SOX5: variants seen among roughly 807,000 people sequenced by gnomAD.
SOX5 encodes transcription factor SOX-5.
Under a neutral mutation model 92.0 loss-of-function variants are expected in SOX5, and 9 were observed. The ratio of observed to expected loss-of-function variants is 0.10; its 90% CI spans 0.06 to 0.17. The LOEUF (loss-of-function observed/expected upper bound fraction) is 0.17. Ranked by LOEUF, SOX5 falls within the 10% of genes least tolerant of loss-of-function variation. The pLI is 1.00. For synonymous variants in SOX5, 344 were observed against 336.3 expected (o/e 1.02, Z -0.25); for missense variants, 642 against 944.5 (o/e 0.68, Z 4.20).
intron 3 of SOX5, among the ~76,000 whole-genome samples, chr12:23,778,810 G>C (rs2095189971): frequency 6.6e-6 from 1 of 152,148 alleles, no homozygotes; most frequent in Admixed American, 6.5e-5. Context: ...TAAGAGAGTG[G>C]TGAGACTCAA....
At chr12:24,530,097 A>T (rs61666632) in intron 1 of SOX5, among the ~76,000 whole-genome samples, 173 of 152,298 alleles carry the variant, frequency 1.1e-3, no homozygotes, top group African/African-American at 3.9e-3. Context: ...AGTGATCATA[A>T]ACCCATCAAC....
intron 9 of SOX5, among the ~76,000 whole-genome samples, chr12:23,597,429 G>GT (rs1180625826): frequency 6.6e-6 from 1 of 152,174 alleles, no homozygotes; most frequent in Non-Finnish European, 1.5e-5. Context: ...AAAAGCCTCT[G>GT]TTTAAGTACC....
At chr12:23,660,221 C>G (rs80275220) in intron 7 of SOX5, among the ~76,000 whole-genome samples, 24 of 152,174 alleles carry the variant, frequency 1.6e-4, no homozygotes, top group Non-Finnish European at 3.2e-4. Context: ...AAAACAAGAT[C>G]TGTATTTTGC....
intron 1 of SOX5, among the ~76,000 whole-genome samples, chr12:24,381,191 T>G (rs1957789008): frequency 6.6e-6 from 1 of 152,202 alleles, no homozygotes; most frequent in African/African-American, 2.4e-5. Context: ...CTTTACTCAT[T>G]GACCAACGAA....
chr12:24,526,966 G>A (rs1950766840), intron 1 of SOX5, among the ~76,000 whole-genome samples: 1 of 151,900 alleles, frequency 6.6e-6, no homozygotes, highest in Non-Finnish European at 1.5e-5. Context: ...CTACAGAGGT[G>A]CACCACCACA....
intron 2 of SOX5, among the ~76,000 whole-genome samples, chr12:24,340,088 G>A (rs1952406364): frequency 6.6e-6 from 1 of 152,214 alleles, no homozygotes; most frequent in African/African-American, 2.4e-5. Context: ...AGTCCTGTTA[G>A]CCTCCTCTCT....
At chr12:23,596,810 C>T (rs900878643) in intron 9 of SOX5, among the ~76,000 whole-genome samples, 2 of 152,040 alleles carry the variant, frequency 1.3e-5, no homozygotes, top group Admixed American at 1.3e-4. Flanking sequence ...TATCAGATAA[C>T]AATAGCTAGA....
chr12:24,447,179 G>C (rs998821776), intron 1 of SOX5, among the ~76,000 whole-genome samples: 1 of 152,166 alleles, frequency 6.6e-6, no homozygotes, highest in Non-Finnish European at 1.5e-5. Context: ...AAACAGTATG[G>C]AAAGGGAGAA....
At chr12:24,200,135 T>C (rs1226753171) in intron 4 of SOX5, among the ~76,000 whole-genome samples, 5 of 152,208 alleles carry the variant, frequency 3.3e-5, no homozygotes, top group Non-Finnish European at 5.9e-5. Flanking sequence ...ATCTCATATG[T>C]GTCATAAGGC....
At chr12:24,333,859 A>T (rs868844895) in intron 2 of SOX5, among the ~76,000 whole-genome samples, 1 of 151,558 alleles carries the variant, frequency 6.6e-6, no homozygotes, top group South Asian at 2.1e-4. Context: ...GTTAAAAAAA[A>T]AAAAAAAAAG....
chr12:23,803,127 C>T (rs1385716304), intron 3 of SOX5, among the ~76,000 whole-genome samples: 1 of 152,184 alleles, frequency 6.6e-6, no homozygotes, highest in Non-Finnish European at 1.5e-5. Flanking sequence ...ACAATCTCTC[C>T]CACTAAAGCA....
intron 6 of SOX5, among the ~76,000 whole-genome samples, chr12:23,718,180 T>C (rs35335546): frequency 0.33 from 50,443 of 152,048 alleles, 9,290 homozygotes; most frequent in East Asian, 0.52. Context: ...CAAAGTTTAG[T>C]ATATTAGCAC....
chr12:23,656,532 G>A (rs1200213870), intron 7 of SOX5, among the ~76,000 whole-genome samples: 1 of 151,898 alleles, frequency 6.6e-6, no homozygotes, highest in Non-Finnish European at 1.5e-5. Context: ...AATAAAATAC[G>A]ATGTATCCAT....
intron 4 of SOX5, among the ~76,000 whole-genome samples, chr12:23,994,246 G>A (rs1344248969): frequency 6.6e-6 from 1 of 152,036 alleles, no homozygotes; most frequent in Non-Finnish European, 1.5e-5. Flanking sequence ...AAGTATGATA[G>A]TAAAGGAAAG....
chr12:24,174,511 T>TG lies in SOX5; in HGVS notation c.-2+38831dup, dbSNP rs35514099. 2.6e-3 allele frequency among the ~76,000 whole-genome samples: 401 copies of TG among 151,766 alleles called. 1 individual carries two copies. Among genetic ancestry groups the TG allele is most frequent in the South Asian group, 0.014 (66 of 4,790 alleles). On this transcript the variant is annotated intron_variant, in intron 4 of 4. Transcript: ENST00000446891. ...GACATTAGTAAGAATACAGAATGAG[T>TG]GGGGGGGGGAACCCACAAAACAAAA...
chr12:23,716,695 A>T (rs905078873), intron 6 of SOX5, among the ~76,000 whole-genome samples: 1 of 152,224 alleles, frequency 6.6e-6, no homozygotes, highest in Non-Finnish European at 1.5e-5. Flanking sequence ...AGGCCCTCTT[A>T]TATCACTGTA....
At chr12:24,150,735 G>C (rs1264186147) in intron 4 of SOX5, among the ~76,000 whole-genome samples, 1 of 152,078 alleles carries the variant, frequency 6.6e-6, no homozygotes, top group Non-Finnish European at 1.5e-5. Context: ...GGAGGAATTA[G>C]TCAATACCTC....
At chr12:24,430,805 T>C (rs1938150775) in intron 1 of SOX5, among the ~76,000 whole-genome samples, 1 of 152,192 alleles carries the variant, frequency 6.6e-6, no homozygotes, top group South Asian at 2.1e-4. Context: ...AGTAACTTTA[T>C]TATTCCTACC....
At position 23,533,097 on chromosome 12, in the gene SOX5, T is replaced by C. The variant is rs551218845; in HGVS notation, c.*1122A>G. On this transcript the variant is annotated 3_prime_UTR_variant, in exon 15 of 15. Coordinates refer to ENST00000451604, the MANE Select transcript of SOX5 (RefSeq NM_006940.6). ...TTAAAAATATAATTTCTGAGCCCTATACTTGGTTAAGTTGTCATTTGAAGT... is the reference window on the plus strand; with the variant it reads ...TTAAAAATATAATTTCTGAGCCCTACACTTGGTTAAGTTGTCATTTGAAGT... 6 of 451,372 alleles carry C rather than the reference T, an allele frequency of 1.3e-5. No homozygotes were observed. The highest frequency in any genetic ancestry group is 4.7e-5 in the Admixed American group (2 of 42,184). 28.0% of individuals were successfully genotyped at this position (451,372 alleles called of 1,614,324 possible).
Sources: allele counts gnomAD v4.1 joint callset (sites outside exome capture counted in the v4.1 genomes callset), GRCh38; gene constraint gnomAD v4.1.1; transcripts MANE v1.5; gene names NCBI Gene and HGNC (gene_info 2026-07-23, HGNC 2026-07-21).